SLC24A3: variants seen among roughly 807,000 people sequenced by gnomAD.
SLC24A3 encodes the protein solute carrier family 24 member 3.
A neutral mutation model predicts 75.8 loss-of-function variants in SLC24A3; 28 were observed. That is an observed-to-expected ratio of 0.37 (90% CI 0.27 to 0.51). SLC24A3 has a LOEUF of 0.51. Ranked by LOEUF, SLC24A3 falls within the 20% of genes least tolerant of loss-of-function variation. The pLI is 0.94. For synonymous variants in SLC24A3, 372 were observed against 334.1 expected, an observed-to-expected ratio of 1.11 and a Z score of -1.24; for missense variants, 663 against 847.8, an observed-to-expected ratio of 0.78 and a Z score of 2.71.
chr20:19,368,571 C>A (rs953353787), intron 2 of SLC24A3, among the ~76,000 whole-genome samples: 2 of 152,208 alleles, frequency 1.3e-5, no homozygotes, highest in African/African-American at 4.8e-5. Flanking sequence ...CAACTGAGGT[C>A]TGGGCCTTGC....
intron 1 of SLC24A3, among the ~76,000 whole-genome samples, chr20:19,234,496 G>A (rs1318573407): frequency 6.6e-6 from 1 of 152,234 alleles, no homozygotes; most frequent in African/African-American, 2.4e-5. Flanking sequence ...CTATGCTAGT[G>A]AAGCACAGGC....
intron 11 of SLC24A3, 62 bp downstream of exon 11, chr20:19,684,398 G>T: frequency 2.0e-6 from 3 of 1,528,904 alleles, no homozygotes; most frequent in Non-Finnish European, 1.8e-6. Context: ...GGGAAGGAGA[G>T]AAGGTTTCTT....
At chr20:19,511,232 G>A (rs890242215) in intron 2 of SLC24A3, among the ~76,000 whole-genome samples, 7 of 152,012 alleles carry the variant, frequency 4.6e-5, no homozygotes, top group African/African-American at 1.7e-4. Context: ...TTTCTCTCAG[G>A]GTCTGCTCTT....
At chr20:19,678,858 C>T (rs199867164) in intron 9 of SLC24A3, among the ~76,000 whole-genome samples, 1 of 151,690 alleles carries the variant, frequency 6.6e-6, no homozygotes, top group African/African-American at 2.4e-5. Context: ...TCCTCACCTC[C>T]CAGACGGGGT....
At chr20:19,479,684 G>A (rs1988020389) in intron 2 of SLC24A3, among the ~76,000 whole-genome samples, 1 of 152,250 alleles carries the variant, frequency 6.6e-6, no homozygotes, top group African/African-American at 2.4e-5. Context: ...CTGGGAGACA[G>A]TAGGGGAGGG....
intron 15 of SLC24A3, among the ~76,000 whole-genome samples, chr20:19,701,680 T>G (rs1047741581): frequency 3.9e-5 from 6 of 152,308 alleles, no homozygotes; most frequent in Middle Eastern, 3.4e-3. Context: ...TCCATCTGGT[T>G]TACTCCTCAG....
intron 2 of SLC24A3, among the ~76,000 whole-genome samples, chr20:19,329,551 T>A (rs1984949850): frequency 6.6e-6 from 1 of 152,256 alleles, no homozygotes; most frequent in South Asian, 2.1e-4. Flanking sequence ...CACATTACTT[T>A]GGTCATTATA....
chr20:19,505,303 A>T (rs530685660), intron 2 of SLC24A3, among the ~76,000 whole-genome samples: 7 of 152,214 alleles, frequency 4.6e-5, no homozygotes, highest in Non-Finnish European at 8.8e-5. Context: ...TAGTTCCATA[A>T]TGCTATCTAG....
At chr20:19,331,188 G>C (rs994047163) in intron 2 of SLC24A3, among the ~76,000 whole-genome samples, 1 of 152,190 alleles carries the variant, frequency 6.6e-6, no homozygotes, top group Non-Finnish European at 1.5e-5. Context: ...TTAGATAAAA[G>C]AGTTGTATCA....
At chr20:19,564,946 T>C (rs1187322774) in intron 3 of SLC24A3, among the ~76,000 whole-genome samples, 1 of 152,198 alleles carries the variant, frequency 6.6e-6, no homozygotes, top group East Asian at 1.9e-4. Context: ...GTAGCTGGTA[T>C]TACAGGCATG....
chr20:19,340,675 G>A (rs1985252863), intron 2 of SLC24A3, among the ~76,000 whole-genome samples: 1 of 152,190 alleles, frequency 6.6e-6, no homozygotes, highest in African/African-American at 2.4e-5. Flanking sequence ...CCAACATGAG[G>A]TTGGGAACCG....
At chr20:19,580,840 A>G (rs2031208797) in intron 4 of SLC24A3, among the ~76,000 whole-genome samples, 1 of 152,144 alleles carries the variant, frequency 6.6e-6, no homozygotes, top group Non-Finnish European at 1.5e-5. Flanking sequence ...TCTGTCGAGA[A>G]CTCGGTTTCT....
intron 7 of SLC24A3, among the ~76,000 whole-genome samples, chr20:19,658,234 C>T (rs2032286957): frequency 6.6e-6 from 1 of 152,074 alleles, no homozygotes. Flanking sequence ...TCCAGAGACG[C>T]TGATGGCTGC....
At chr20:19,227,401 T>A (rs925674453) in intron 1 of SLC24A3, among the ~76,000 whole-genome samples, 2 of 152,258 alleles carry the variant, frequency 1.3e-5, no homozygotes, top group African/African-American at 4.8e-5. Flanking sequence ...ATTCTTTTTT[T>A]TTTTTGGCAT....
intron 2 of SLC24A3, among the ~76,000 whole-genome samples, chr20:19,299,701 TAGG>T (rs1984151775): frequency 6.6e-6 from 1 of 152,112 alleles, no homozygotes; most frequent in African/African-American, 2.4e-5. Context: ...GAGTAGAAGT[TAGG>T]AGATATGGTA....
At chr20:19,333,305 C>T (rs891666522) in intron 2 of SLC24A3, among the ~76,000 whole-genome samples, 6 of 152,160 alleles carry the variant, frequency 3.9e-5, no homozygotes, top group Non-Finnish European at 8.8e-5. Context: ...ATCTTCCCCC[C>T]TGGACTTAAT....
At chr20:19,276,512 G>C (rs935172436) in intron 1 of SLC24A3, among the ~76,000 whole-genome samples, 1 of 152,220 alleles carries the variant, frequency 6.6e-6, no homozygotes, top group African/African-American at 2.4e-5. Context: ...GCAAGTGACT[G>C]ACTGTACTGA....
At chr20:19,421,815 A>G (rs1284272715) in intron 2 of SLC24A3, among the ~76,000 whole-genome samples, 1 of 152,182 alleles carries the variant, frequency 6.6e-6, no homozygotes, top group Non-Finnish European at 1.5e-5. Context: ...CAGGAAGAAG[A>G]GGGGCCAGGC....
intron 16 of SLC24A3, among the ~76,000 whole-genome samples, chr20:19,718,894 A>C (rs1324345197): frequency 6.6e-6 from 1 of 152,202 alleles, no homozygotes; most frequent in Non-Finnish European, 1.5e-5. Context: ...GTTGGGAGAG[A>C]TCTCCAAGGG....
Sources: gnomAD v4.1 joint callset for allele counts (sites outside exome capture counted in the v4.1 genomes callset) on GRCh38, gnomAD v4.1.1 for gene constraint, MANE v1.5 for transcripts, NCBI Gene and HGNC (gene_info 2026-07-23, HGNC 2026-07-21) for gene names.